Variants in TEX10 observed in about 807,000 individuals in gnomAD.
TEX10 encodes the protein testis-expressed protein 10.
TEX10 carries 24 observed loss-of-function variants against 104.4 expected under a neutral mutation model. That is an observed-to-expected ratio of 0.23 (90% CI 0.17 to 0.32). The LOEUF (loss-of-function observed/expected upper bound fraction) is 0.32, where lower values mean the gene tolerates loss of function less well. TEX10 is among the 10% of genes least tolerant of loss of function. The probability of loss-of-function intolerance (pLI) is 1.00; values close to 1 mark genes in which losing one functional copy is unlikely to be tolerated. For synonymous variants in TEX10, 396 were observed against 393.4 expected (o/e 1.01, Z -0.08); for missense variants, 921 against 1,083.9 (o/e 0.85, Z 2.11).
At chr9:100,320,427 T>TA (rs1209680577) in intron 10 of TEX10, 29 bp from the exon 11 acceptor site, 3 of 1,555,122 alleles carry the variant, frequency 1.9e-6, no homozygotes, top group South Asian at 2.5e-5. Context: ...AAAGCCAATT[T>TA]AAAAAAACAA....
chr9:100,351,874 G>C (rs1441395615), intron 1 of TEX10, among the ~76,000 whole-genome samples: 1 of 152,114 alleles, frequency 6.6e-6, no homozygotes, highest in African/African-American at 2.4e-5. Flanking sequence ...AAATCAAAAA[G>C]TCCCACTAAG....
At chr9:100,331,217 C>T (rs560902651) in intron 5 of TEX10, among the ~76,000 whole-genome samples, 6 of 152,206 alleles carry the variant, frequency 3.9e-5, no homozygotes, top group East Asian at 3.9e-4. Context: ...GCCAAGATTG[C>T]GCCATTGCAC....
intron 12 of TEX10, 99 bp downstream of exon 12, chr9:100,310,200 T>C: frequency 4.2e-6 from 4 of 947,926 alleles, no homozygotes; most frequent in South Asian, 1.5e-5. Context: ...TCATTAATCT[T>C]AGAATTCCAG....
intron 11 of TEX10, among the ~76,000 whole-genome samples, chr9:100,314,992 C>A (rs963939650): frequency 6.6e-6 from 1 of 152,164 alleles, no homozygotes; most frequent in Non-Finnish European, 1.5e-5. Context: ...CTCAAGAGCA[C>A]GTCATCGTTC....
At chr9:100,339,687 C>A (rs1162989613) in intron 5 of TEX10, among the ~76,000 whole-genome samples, 2 of 151,962 alleles carry the variant, frequency 1.3e-5, no homozygotes, top group African/African-American at 4.8e-5. Flanking sequence ...TTAGCTTGTA[C>A]CTGCTTGTCA....
intron 4 of TEX10, 120 bp from the exon 5 acceptor site, chr9:100,340,489 T>C (rs1835146273): frequency 1.8e-6 from 1 of 561,168 alleles, no homozygotes; most frequent in African/African-American, 2.0e-5. Flanking sequence ...TTTCTACCAG[T>C]AATATAATAT....
chr9:100,304,249 T>C (rs1834089001), intron 13 of TEX10: 1 of 219,368 alleles, frequency 4.6e-6, no homozygotes, highest in Non-Finnish European at 9.2e-6. Flanking sequence ...AAAAAAATAT[T>C]CTAAAATTCA....
chr9:100,346,974 A>C lies in TEX10; in HGVS notation c.613T>G (p.Ser205Ala), dbSNP rs779019032. Residue 205 changes from serine to alanine, a missense_variant, in exon 3 of 15, where the codon TCC (serine) becomes GCC (alanine). Physicochemically the swap from Ser to Ala is moderately conservative, Grantham distance 99. Transcript: ENST00000374902. ...LSKGLINRDR[S>A]QSWILSVNPN... ...TTTACAGAAAGTATCCAGGACTGGG[A>C]TCTGTCTCTATTTATCAGTCCTTTG... 5.6e-6 allele frequency: 9 copies of C among 1,614,078 alleles called. No homozygotes were observed. The highest frequency in any genetic ancestry group is 7.6e-6 in the Non-Finnish European group (9 of 1,180,032).
chr9:100,303,334 A>G (rs576351180), intron 14 of TEX10, among the ~76,000 whole-genome samples: 3 of 152,042 alleles, frequency 2.0e-5, no homozygotes, highest in Admixed American at 6.5e-5. Flanking sequence ...CTAGGTAGGA[A>G]TGACTCTGAT....
intron 9 of TEX10, 141 bp from the exon 10 acceptor site, chr9:100,321,912 G>A (rs1041608136): frequency 1.9e-4 from 106 of 561,780 alleles, no homozygotes; most frequent in African/African-American, 1.9e-3. Flanking sequence ...AGTATGCCTT[G>A]TATTAATTTC....
intron 2 of TEX10, 62 bp downstream of exon 2, chr9:100,349,122 T>C (rs923398849): frequency 1.0e-4 from 138 of 1,376,152 alleles, no homozygotes; most frequent in Admixed American, 2.1e-4. Context: ...TTCACAAAAA[T>C]ATAACATTCT....
Position 100,323,300 on chromosome 9 carries a change from G to A in TEX10, c.1980-1529C>T, listed in dbSNP as rs114871396. ...CTGTGAGTAAAAGGGGGTGGCTGGC[G>A]CTGATTATGCTGGGCCAAAAGGAGT... On this transcript the variant is annotated intron_variant, in intron 9 of 14. Coordinates refer to ENST00000374902, the MANE Select transcript of TEX10 (RefSeq NM_017746.4). 8.3e-4 allele frequency among the ~76,000 whole-genome samples: 126 copies of A among 152,240 alleles called. 1 individual carries two copies. Among genetic ancestry groups the A allele is most frequent in the African/African-American group, 2.7e-3 (114 of 41,528 alleles).
In TEX10 at chr9:100,329,167, G is replaced by A. The variant is rs1213474523; in HGVS notation, c.1598C>T (p.Thr533Ile). ...GAATCTACAAGATCTCAGTTCTTCTGTCTGATAGATTTTACTGAAAAACTT... is the reference window on the plus strand; with the variant it reads ...GAATCTACAAGATCTCAGTTCTTCTATCTGATAGATTTTACTGAAAAACTT... ...LLKFFSKIYQ[T>I]EELRSCRFRY... Residue 533 changes from threonine to isoleucine, a missense_variant, in exon 7 of 15, where the codon ACA (threonine) becomes ATA (isoleucine). This residue lies in a region of TEX10 where 753 missense variants were observed against 868.4 expected (regional missense o/e 0.87). Coordinates refer to ENST00000374902, the MANE Select transcript of TEX10 (RefSeq NM_017746.4). 1.2e-6 allele frequency: 2 copies of A among 1,609,528 alleles called. No individual in the cohort carries two copies. The highest frequency in any genetic ancestry group is 1.7e-5 in the Admixed American group (1 of 58,954).
In TEX10 at chr9:100,324,756, T is replaced by G. The variant is rs150657561; in HGVS notation, c.1979+1546A>C. Among the ~76,000 whole-genome samples, 223 of 152,294 alleles carry G rather than the reference T, an allele frequency of 1.5e-3. 2 individuals carry two copies. The highest frequency in any genetic ancestry group is 2.6e-3 in the Non-Finnish European group (177 of 68,022). ...ATTTCAAGAAACATTCAAGGGGTGA[T>G]TTAACGGAACTGAATGTAAGTTATA... On this transcript the variant is annotated intron_variant, in intron 9 of 14. Coordinates refer to ENST00000374902, the MANE Select transcript of TEX10 (RefSeq NM_017746.4).
At position 100,303,665 on chromosome 9, in the gene TEX10, C is replaced by G; in HGVS notation, c.2643G>C (p.Ala881=). 1.2e-6 allele frequency: 2 copies of G among 1,614,068 alleles called. No individual in the cohort carries two copies. Among genetic ancestry groups the G allele is most frequent in the East Asian group, 4.5e-5 (2 of 44,878 alleles). The part of the protein sequence containing the change: ...APLRTHMLTN[A]ILVQQIIKNI... ...TCTTGATGATCTGCTGCACCAAGAT[C>G]GCATTGGTCAACATATGAGTCCTGA... is the stretch of plus-strand genomic sequence containing the variant. The change falls in exon 14 of 15, where the codon GCG becomes GCC. Residue 881 remains alanine (A), a synonymous_variant. Transcript: ENST00000374902.
chr9:100,346,660 A>C (rs1200750938), intron 3 of TEX10, 34 bp downstream of exon 3: 1 of 1,565,058 alleles, frequency 6.4e-7, no homozygotes, highest in Non-Finnish European at 8.7e-7. Context: ...TCAATACAGC[A>C]AAACTGTGTG....
intron 1 of TEX10, among the ~76,000 whole-genome samples, chr9:100,350,949 A>G (rs909883736): frequency 6.6e-6 from 1 of 152,130 alleles, no homozygotes; most frequent in Non-Finnish European, 1.5e-5. Flanking sequence ...TTCTATCTAC[A>G]AAATAGGGAT....
chr9:100,303,609 G>A, intron 14 of TEX10, 23 bp downstream of exon 14: 2 of 1,611,488 alleles, frequency 1.2e-6, no homozygotes, highest in Non-Finnish European at 1.7e-6. Flanking sequence ...ATACTGCAAA[G>A]CCTCCGGTAC....
intron 11 of TEX10, among the ~76,000 whole-genome samples, chr9:100,319,945 G>A (rs7849966): frequency 0.6 from 91,221 of 152,084 alleles, 28,713 homozygotes; most frequent in East Asian, 0.89. Context: ...ATAATCTACC[G>A]TTTAAAAAGT....
Sources: gnomAD v4.1 joint callset for allele counts (sites outside exome capture counted in the v4.1 genomes callset) on GRCh38, gnomAD v4.1.1 for gene constraint, gnomAD v4.1.1 regional missense constraint, MANE v1.5 for transcripts, NCBI Gene and HGNC (gene_info 2026-07-23, HGNC 2026-07-21) for gene names.